The following ANKS6 variants were observed in gnomAD, a reference collection of about 807,000 sequenced individuals.
ANKS6 encodes ankyrin repeat and SAM domain-containing protein 6.
A neutral mutation model predicts 77.9 loss-of-function variants in ANKS6; 47 were observed. The ratio of observed to expected loss-of-function variants is 0.60; its 90% CI spans 0.48 to 0.77. The LOEUF (loss-of-function observed/expected upper bound fraction) is 0.77. Ranked by LOEUF, ANKS6 falls within the 30% of genes least tolerant of loss-of-function variation. ANKS6 has a pLI of 0.00. For missense variants in ANKS6, 1,150 were observed against 1,159.1 expected, an observed-to-expected ratio of 0.99 and a Z score of 0.11; for synonymous variants, 488 against 501.7, an observed-to-expected ratio of 0.97 and a Z score of 0.37.
At position 98,794,082 on chromosome 9, in the gene ANKS6, G is replaced by A. The variant is rs377338232; in HGVS notation, c.359+2051C>T. On this transcript the variant is annotated intron_variant, in intron 1 of 14. Coordinates refer to ENST00000353234, the MANE Select transcript of ANKS6 (RefSeq NM_173551.5). ...GGAGAATCGCTTGAACCCAGGAGGCGGAGGTTGCAGTGAGTCGAGATCACG... is the reference window on the plus strand; with the variant it reads ...GGAGAATCGCTTGAACCCAGGAGGCAGAGGTTGCAGTGAGTCGAGATCACG... Among the ~76,000 whole-genome samples, 85 of 149,316 alleles carry A rather than the reference G, an allele frequency of 5.7e-4. 1 individual carries two copies. In the South Asian group the frequency reaches 0.017, roughly 29 times the overall value.
chr9:98,742,450 AT>A (rs1443315111), intron 14 of ANKS6, among the ~76,000 whole-genome samples: 1 of 152,158 alleles, frequency 6.6e-6, no homozygotes, highest in Non-Finnish European at 1.5e-5. Flanking sequence ...CAGAAGTTAA[AT>A]TTGCTTTTGT....
intron 13 of ANKS6, among the ~76,000 whole-genome samples, chr9:98,750,237 T>C (rs926272393): frequency 6.6e-6 from 1 of 150,990 alleles, no homozygotes; most frequent in Admixed American, 6.6e-5. Context: ...GTCTACAGAT[T>C]TGCCTAGCCT....
intron 13 of ANKS6, 37 bp downstream of exon 13, chr9:98,750,992 T>G: frequency 6.4e-7 from 1 of 1,557,160 alleles, no homozygotes; most frequent in Non-Finnish European, 8.8e-7. Context: ...TCTTTCATAG[T>G]AAGATTTAAA....
chr9:98,796,467 C>T lies in ANKS6; in HGVS notation c.25G>A (p.Ala9Thr). 1 of 992,686 alleles carries T rather than the reference C, an allele frequency of 1.0e-6. No individual in the cohort carries two copies. Among genetic ancestry groups the T allele is most frequent in the Non-Finnish European group, 1.2e-6 (1 of 836,714 alleles). 61.5% of individuals were successfully genotyped at this position (992,686 alleles called of 1,614,324 possible). A position where few individuals can be genotyped will look rare whatever the true frequency, so the allele number is the denominator to read the frequency against. Residue 9 changes from alanine (A) to threonine (T), a missense_variant, in exon 1 of 15, where the codon GCC becomes ACC. Ala to Thr is a moderately conservative substitution (Grantham distance 58). Transcript: ENST00000353234. Reference sequence around the variant, plus strand: ...CACGCGCGCAGCAGCAGCTGGAAGGCCGGGGGCAGCCCGCCCTCGCCCATC... The same window carrying T: ...CACGCGCGCAGCAGCAGCTGGAAGGTCGGGGGCAGCCCGCCCTCGCCCATC... Reference protein sequence around the residue: MGEGGLPPAFQLLLRACDQ... With the variant: MGEGGLPPTFQLLLRACDQ...
chr9:98,778,509 C>T, intron 6 of ANKS6, 85 bp from the exon 7 acceptor site: 7 of 1,335,160 alleles, frequency 5.2e-6, no homozygotes, highest in Non-Finnish European at 7.3e-6. Context: ...GAGACAGTGA[C>T]TACATTCACA....
At chr9:98,745,056 TTAAAGCTGA>T (rs1411042929) in intron 14 of ANKS6, among the ~76,000 whole-genome samples, 1 of 152,170 alleles carries the variant, frequency 6.6e-6, no homozygotes, top group Non-Finnish European at 1.5e-5. Flanking sequence ...ATTTTTAGCT[TTAAAGCTGA>T]TGAGAAATTT....
rs35699060 is a variant in ANKS6 at position 98,758,324 on chromosome 9, C to CTTT, written c.2143-1724_2143-1722dup. On this transcript the variant is annotated intron_variant, in intron 11 of 14. Transcript: ENST00000353234. Reference sequence around the variant, plus strand: ...TACCCTTTTGACATGCGCCATCTTTCTTTTTTTTTTTTTTTGTCTTTCTTT... The same window carrying CTTT: ...TACCCTTTTGACATGCGCCATCTTTCTTTTTTTTTTTTTTTTTTGTCTTTCTTT... Among the ~76,000 whole-genome samples, 682 of 134,824 alleles carry CTTT rather than the reference C, an allele frequency of 5.1e-3. 7 individuals are homozygous for CTTT. Among genetic ancestry groups the CTTT allele is most frequent in the South Asian group, 0.022 (93 of 4,150 alleles). The allele number at this position is 134,824 out of a possible 152,430, so 88.4% of individuals were successfully genotyped here.
chr9:98,736,924 C>T (rs571021119), intron 14 of ANKS6, among the ~76,000 whole-genome samples: 2 of 152,186 alleles, frequency 1.3e-5, no homozygotes, highest in African/African-American at 2.4e-5. Context: ...CCGAGTCGCA[C>T]GGCCCGGATT....
rs1834838235 is a variant in ANKS6, at chr9:98,790,400, G to A, written c.566C>T (p.Pro189Leu). 2 of 1,613,638 alleles carry A rather than the reference G, an allele frequency of 1.2e-6. No individual in the cohort carries two copies. The highest frequency in any genetic ancestry group is 8.5e-7 in the Non-Finnish European group (1 of 1,180,024). ...AGCCATCAGGGCTGTGATGTCCAAG[G>A]GCTCATCCCTGCTGCCGCCCAACCC... Reference protein sequence around the residue: ...QLGLGGSRDEPLDITALMAAI... With the variant: ...QLGLGGSRDELLDITALMAAI... The change falls in exon 2 of 15, where the codon CCC becomes CTC. Residue 189 changes from proline to leucine, a missense_variant. Pro to Leu is a moderately conservative substitution (Grantham distance 98). Transcript: ENST00000353234.
chr9:98,746,629 G>A (rs929566244), intron 13 of ANKS6, among the ~76,000 whole-genome samples: 83 of 149,964 alleles, frequency 5.5e-4, no homozygotes, highest in African/African-American at 1.9e-3. Context: ...GCCAGTAAGT[G>A]GCAGGGCCTG....
intron 8 of ANKS6, among the ~76,000 whole-genome samples, chr9:98,776,179 GA>G (rs1833908668): frequency 6.6e-6 from 1 of 152,172 alleles, no homozygotes; most frequent in Non-Finnish European, 1.5e-5. Context: ...TTCTGGGCCA[GA>G]CACTATGCTA....
At position 98,735,235 on chromosome 9, in the gene ANKS6, A is replaced by G; in HGVS notation, c.*1284T>C. 1 of 986,994 alleles carries G rather than the reference A, an allele frequency of 1.0e-6. No individual in the cohort carries two copies. The highest frequency in any genetic ancestry group is 1.2e-6 in the Non-Finnish European group (1 of 831,068). 61.1% of individuals were successfully genotyped at this position (986,994 alleles called of 1,614,324 possible). A position where few individuals can be genotyped will look rare whatever the true frequency, so the allele number is the denominator to read the frequency against. On this transcript the variant is annotated 3_prime_UTR_variant, in exon 15 of 15. Coordinates refer to ENST00000353234, the MANE Select transcript of ANKS6 (RefSeq NM_173551.5). ...AACTTTGAACCTGAGTCCAGAGCAC[A>G]AGGTCTGCCCACTCTACCATGCTGC...
chr9:98,766,288 A>G (rs558701204), intron 11 of ANKS6, among the ~76,000 whole-genome samples: 1 of 152,342 alleles, frequency 6.6e-6, no homozygotes, highest in Non-Finnish European at 1.5e-5. Flanking sequence ...TTCATATAAT[A>G]GAGAATAGTT....
At position 98,774,905 on chromosome 9, in the gene ANKS6, G is replaced by A. The variant is rs573258866; in HGVS notation, c.1618-825C>T. Among the ~76,000 whole-genome samples, 31 of 152,316 alleles carry A rather than the reference G, an allele frequency of 2.0e-4. No individual in the cohort carries two copies. The East Asian group carries it at 5.8e-3, about 28-fold the overall frequency. On this transcript the variant is annotated intron_variant, in intron 8 of 14. Coordinates refer to ENST00000353234, the MANE Select transcript of ANKS6 (RefSeq NM_173551.5). ...ACTCGCCTCGGGAGCCGAGCAGGCG[G>A]GCATCTCCACACTGATGGCTGCACA... is the stretch of plus-strand genomic sequence containing the variant.
In ANKS6 at chr9:98,780,194, G is replaced by A. The variant is rs771964126; in HGVS notation, c.1363C>T (p.Leu455=). The A allele has an allele frequency of 2.5e-6, 4 of 1,613,680 alleles. No homozygotes were observed. The highest frequency in any genetic ancestry group is 1.3e-5 in the African/African-American group (1 of 74,926). ...TAAGACAGGAAAAGGCAAACCTTCAGTCCACCCTTGTCATCGGGCAGCACT... is the reference window on the plus strand; with the variant it reads ...TAAGACAGGAAAAGGCAAACCTTCAATCCACCCTTGTCATCGGGCAGCACT... ...IPVLPDDKGG[L]KSWWNRMSNR... is the part of the protein sequence containing the mutation. Residue 455 remains leucine, a synonymous_variant, in exon 6 of 15, where the codon CTG becomes TTG. Coordinates refer to ENST00000353234, the MANE Select transcript of ANKS6 (RefSeq NM_173551.5).
chr9:98,793,453 AT>A (rs903075608), intron 1 of ANKS6, among the ~76,000 whole-genome samples: 8 of 152,208 alleles, frequency 5.3e-5, no homozygotes, highest in African/African-American at 1.4e-4. Flanking sequence ...GAATGACTTA[AT>A]TCATTTAAAG....
Position 98,732,347 on chromosome 9 carries a change from G to T in ANKS6, c.*4172C>A. 1 of 868,234 alleles carries T rather than the reference G, an allele frequency of 1.2e-6. No homozygotes were observed. The highest frequency in any genetic ancestry group is 2.7e-5 in the East Asian group (1 of 37,564). The allele number at this position is 868,234 out of a possible 1,614,324, so 53.8% of individuals were successfully genotyped here. On this transcript the variant is annotated 3_prime_UTR_variant, in exon 15 of 15. Coordinates refer to ENST00000353234, the MANE Select transcript of ANKS6 (RefSeq NM_173551.5). Reference sequence around the variant, plus strand: ...TGCCCCCTTTTTACCCGCTGGATCAGCTTCTACGACTTGGTCAAACTATCT... The same window carrying T: ...TGCCCCCTTTTTACCCGCTGGATCATCTTCTACGACTTGGTCAAACTATCT...
intron 11 of ANKS6, among the ~76,000 whole-genome samples, chr9:98,764,393 A>T (rs529079438): frequency 8.5e-5 from 13 of 152,308 alleles, no homozygotes; most frequent in Non-Finnish European, 1.6e-4. Context: ...TCTGTCATTA[A>T]TTTGAGAAAA....
intron 11 of ANKS6, among the ~76,000 whole-genome samples, chr9:98,764,186 G>A (rs1435993987): frequency 3.3e-5 from 5 of 152,046 alleles, no homozygotes; most frequent in Non-Finnish European, 7.4e-5. Flanking sequence ...TCTTTGATTT[G>A]CATGATTTCT....
Sources: gnomAD v4.1 joint callset for allele counts (sites outside exome capture counted in the v4.1 genomes callset) on GRCh38, gnomAD v4.1.1 for gene constraint, MANE v1.5 for transcripts, NCBI Gene and HGNC (gene_info 2026-07-23, HGNC 2026-07-21) for gene names.